Variants in EML4 observed in about 807,000 individuals in gnomAD.
EML4 encodes echinoderm microtubule-associated protein-like 4.
A neutral mutation model predicts 129.0 loss-of-function variants in EML4; 72 were observed. The ratio of observed to expected loss-of-function variants is 0.56; its 90% CI spans 0.46 to 0.68. The LOEUF (loss-of-function observed/expected upper bound fraction) is 0.68. Ranked by LOEUF, EML4 falls within the 30% of genes least tolerant of loss-of-function variation. EML4 has a pLI of 0.00. For missense variants in EML4, 1,363 were observed against 1,190.6 expected (o/e 1.14, Z -2.13); for synonymous variants, 532 against 405.0 (o/e 1.31, Z -3.77).
chr2:42,192,935 T>C (rs1001693415), intron 1 of EML4, among the ~76,000 whole-genome samples: 2 of 152,182 alleles, frequency 1.3e-5, no homozygotes, highest in African/African-American at 4.8e-5. Flanking sequence ...TCAACAGTCA[T>C]GAAACTGCTT....
intron 1 of EML4, among the ~76,000 whole-genome samples, chr2:42,207,743 A>G (rs2104000628): frequency 6.6e-6 from 1 of 152,344 alleles, no homozygotes; most frequent in South Asian, 2.1e-4. Flanking sequence ...GTTGAAGTTG[A>G]AAAATAAGTG....
intron 9 of EML4, among the ~76,000 whole-genome samples, chr2:42,285,549 C>T (rs975442372): frequency 2.1e-4 from 31 of 151,098 alleles, no homozygotes; most frequent in African/African-American, 5.8e-4. Context: ...CAAAAGTATC[C>T]GGAGCAGATT....
chr2:42,265,395 G>A (rs1666000634), intron 6 of EML4, among the ~76,000 whole-genome samples: 3 of 151,804 alleles, frequency 2.0e-5, no homozygotes, highest in South Asian at 4.2e-4. Context: ...ATGAGCCATG[G>A]CACCCGGCCA....
intron 19 of EML4, among the ~76,000 whole-genome samples, chr2:42,320,418 T>C (rs941200833): frequency 1.3e-5 from 2 of 152,082 alleles, no homozygotes; most frequent in Non-Finnish European, 2.9e-5. Context: ...GTTAAGTAAC[T>C]TCAGAAAAGT....
At chr2:42,177,391 C>T (rs1451699208) in intron 1 of EML4, among the ~76,000 whole-genome samples, 2 of 151,820 alleles carry the variant, frequency 1.3e-5, no homozygotes, top group African/African-American at 4.8e-5. Flanking sequence ...GAGGCTGAGG[C>T]GGGCGGCTCA....
At position 42,169,594 on chromosome 2, in the gene EML4, C is replaced by T. The variant is rs767653202; in HGVS notation, c.-18C>T. 1.2e-5 allele frequency: 19 copies of T among 1,598,514 alleles called. No homozygotes were observed. The highest frequency in any genetic ancestry group is 1.4e-5 in the Non-Finnish European group (17 of 1,174,320). ...TGCCCGCCCCTCTAAGCCCGGAGCC[C>T]GGCGCTTTCCCCGCAAGATGGACGG... On this transcript the variant is annotated 5_prime_UTR_variant, in exon 1 of 23. Coordinates refer to ENST00000318522, the MANE Select transcript of EML4 (RefSeq NM_019063.5).
chr2:42,193,187 G>A (rs1289393895), intron 1 of EML4, among the ~76,000 whole-genome samples: 1 of 152,170 alleles, frequency 6.6e-6, no homozygotes, highest in Non-Finnish European at 1.5e-5. Flanking sequence ...CAGTGCAGTA[G>A]TATTCTGTAC....
intron 1 of EML4, among the ~76,000 whole-genome samples, chr2:42,171,496 TTCTTA>T (rs1404399483): frequency 6.6e-6 from 1 of 152,240 alleles, no homozygotes; most frequent in African/African-American, 2.4e-5. Context: ...GCTTTCTTCT[TTCTTA>T]ACCAGTTTAT....
intron 17 of EML4, among the ~76,000 whole-genome samples, chr2:42,308,464 C>A (rs917095883): frequency 6.6e-6 from 1 of 152,128 alleles, no homozygotes; most frequent in Admixed American, 6.6e-5. Flanking sequence ...GAACTGAGAT[C>A]ACGCCATTGC....
intron 1 of EML4, among the ~76,000 whole-genome samples, chr2:42,182,413 C>G (rs1343599039): frequency 6.6e-6 from 1 of 151,472 alleles, no homozygotes; most frequent in African/African-American, 2.4e-5. Flanking sequence ...CACCAGGGCT[C>G]CAGCATCCTA....
chr2:42,259,965 C>T lies in EML4; in HGVS notation c.339-1156C>T, dbSNP rs542527060. 2.0e-5 allele frequency among the ~76,000 whole-genome samples: 3 copies of T among 151,782 alleles called. No homozygotes were observed. The South Asian group carries it at 6.3e-4, about 32-fold the overall frequency. ...CAGGATGGTCTTGATCTCCTAACCT[C>T]GTGATCCACCCACCTCGGCCTCCCA... On this transcript the variant is annotated intron_variant, in intron 3 of 22. Transcript: ENST00000318522.
intron 17 of EML4, among the ~76,000 whole-genome samples, chr2:42,306,350 C>T (rs1345989663): frequency 6.6e-6 from 1 of 152,102 alleles, no homozygotes; most frequent in Non-Finnish European, 1.5e-5. Flanking sequence ...ATCCAGTTTT[C>T]AGAAAACCAC....
In EML4 at chr2:42,286,382, A is replaced by G. The variant is rs758453491; in HGVS notation, c.1122+3A>G. The G allele has an allele frequency of 7.0e-6, 11 of 1,578,660 alleles. No individual in the cohort carries two copies. The highest frequency in any genetic ancestry group is 1.3e-5 in the African/African-American group (1 of 74,260). On this transcript the variant is annotated splice_donor_region_variant and intron_variant, in intron 10 of 22. Coordinates refer to ENST00000318522, the MANE Select transcript of EML4 (RefSeq NM_019063.5). ...GATGCCTGGATTTTTCAAAAGCAGT[A>G]AGTAACAATTTTTAGAGAAGTAAGC...
At chr2:42,314,051 A>C (rs1197889929) in intron 17 of EML4, among the ~76,000 whole-genome samples, 1 of 151,716 alleles carries the variant, frequency 6.6e-6, no homozygotes, top group African/African-American at 2.4e-5. Flanking sequence ...GGAGCAGGTA[A>C]AAAATAAAGA....
At chr2:42,329,707 CCTGT>C (rs757537900) in intron 22 of EML4, 23 bp from the exon 23 acceptor site, 38 of 1,582,482 alleles carry the variant, frequency 2.4e-5, no homozygotes, top group Admixed American at 5.1e-5. Context: ...GTTTAATTTT[CCTGT>C]CTGTCTGATT....
intron 13 of EML4, among the ~76,000 whole-genome samples, chr2:42,298,817 G>T (rs1668101826): frequency 6.6e-6 from 1 of 152,058 alleles, no homozygotes; most frequent in Admixed American, 6.6e-5. Context: ...CTTACATTCT[G>T]ATAGAGAACT....
rs183259759 is a variant in EML4, at chr2:42,286,793, C to G, written c.1122+414C>G. Among the ~76,000 whole-genome samples the G allele has an allele frequency of 4.6e-5, 7 of 152,270 alleles. No homozygotes were observed. The East Asian group carries it at 1.3e-3, about 29-fold the overall frequency. ...TTGGCCAGTTCTGTACAAATATTGG[C>G]TTTTCTTGATGTCATATTTGAGCAG... On this transcript the variant is annotated intron_variant, in intron 10 of 22. Transcript: ENST00000318522.
Position 42,315,812 on chromosome 2 carries a change from G to A in EML4, c.1968-150G>A, listed in dbSNP as rs1411624630. ...GTGGGAGGATAGTGTGAGCCCAGAA[G>A]TTCAAGGCTGTGGTGAGCTAGGATC... is the stretch of plus-strand genomic sequence containing the variant. On this transcript the variant is annotated intron_variant, in intron 17 of 22. Coordinates refer to ENST00000318522, the MANE Select transcript of EML4 (RefSeq NM_019063.5). The A allele has an allele frequency of 8.4e-6, 5 of 594,492 alleles. No individual in the cohort carries two copies. In the Admixed American group the frequency reaches 1.2e-4, roughly 14 times the overall value. The allele number at this position is 594,492 out of a possible 1,614,324, so 36.8% of individuals were successfully genotyped here. A position where few individuals can be genotyped will look rare whatever the true frequency, so the allele number is the denominator to read the frequency against.
At position 42,265,084 on chromosome 2, in the gene EML4, C is replaced by G. The variant is rs1424271978; in HGVS notation, c.667+353C>G. ...ATACAGTGATTTGAGCTAGATGAAT[C>G]CAGCTACATTTTACTTTTTTTTTTG... On this transcript the variant is annotated intron_variant, in intron 6 of 22. Transcript: ENST00000318522. 1.9e-5 allele frequency: 16 copies of G among 859,884 alleles called. No individual in the cohort carries two copies. The East Asian group carries it at 3.5e-4, about 19-fold the overall frequency. 53.3% of individuals were successfully genotyped at this position (859,884 alleles called of 1,614,324 possible). A position where few individuals can be genotyped will look rare whatever the true frequency, so the allele number is the denominator to read the frequency against.
Sources: allele counts gnomAD v4.1 joint callset (sites outside exome capture counted in the v4.1 genomes callset), GRCh38; gene constraint gnomAD v4.1.1; transcripts MANE v1.5; gene names NCBI Gene and HGNC (gene_info 2026-07-23, HGNC 2026-07-21).